EYA3: variants seen among roughly 807,000 people sequenced by gnomAD.
The protein encoded by EYA3 is protein phosphatase EYA3.
In EYA3, 39 loss-of-function variants were observed where a neutral mutation model predicts 80.0. The observed-to-expected ratio is 0.49, with a 90% CI of 0.38 to 0.64. The LOEUF (loss-of-function observed/expected upper bound fraction) is 0.64, where lower values mean the gene tolerates loss of function less well. EYA3 is among the 30% of genes least tolerant of loss of function. The probability of loss-of-function intolerance (pLI) is 0.00; values close to 1 mark genes in which losing one functional copy is unlikely to be tolerated. For synonymous variants in EYA3, 206 were observed against 232.8 expected, an observed-to-expected ratio of 0.88 and a Z score of 1.05; for missense variants, 523 against 676.1, an observed-to-expected ratio of 0.77 and a Z score of 2.51.
At position 28,013,836 on chromosome 1, in the gene EYA3, G is replaced by A. The variant is rs771258994; in HGVS notation, c.586-542C>T. 1.3e-5 allele frequency among the ~76,000 whole-genome samples: 2 copies of A among 152,200 alleles called. No homozygotes were observed. The highest frequency in any genetic ancestry group is 2.9e-5 in the Non-Finnish European group (2 of 68,032). On this transcript the variant is annotated intron_variant, in intron 8 of 17. Transcript: ENST00000373871. This position sits in a 1 kb window ranked among gnomAD's most constrained non-coding sequence, Gnocchi z 4.0. ...TCAGCACTTTGGAAGGCCAAGATGG[G>A]TGGATCACTTGAGGTCAGGAGTTCA...
Position 28,030,333 on chromosome 1 carries a change from C to T in EYA3, c.362-2407G>A, listed in dbSNP as rs187024314. Among the ~76,000 whole-genome samples the T allele has an allele frequency of 9.3e-3, 1,423 of 152,280 alleles. 10 individuals are homozygous for T. The highest frequency in any genetic ancestry group is 0.015 in the Non-Finnish European group (997 of 68,006). On this transcript the variant is annotated intron_variant, in intron 6 of 17. Coordinates refer to ENST00000373871, the MANE Select transcript of EYA3 (RefSeq NM_001990.4). ...TTTGAGACAAGGTCTTGCTCTGTTG[C>T]CCAGGCTGGAGGGCAGTGGTGCAAT... is the stretch of plus-strand genomic sequence containing the variant.
chr1:28,060,613 T>C (rs1644584998), intron 1 of EYA3, among the ~76,000 whole-genome samples: 1 of 152,242 alleles, frequency 6.6e-6, no homozygotes, highest in South Asian at 2.1e-4. Flanking sequence ...TTTCTACATC[T>C]ATTCTGTGAA....
intron 17 of EYA3, among the ~76,000 whole-genome samples, chr1:27,976,528 G>A (rs1638936327): frequency 6.6e-6 from 1 of 152,116 alleles, no homozygotes; most frequent in Non-Finnish European, 1.5e-5. Context: ...TTTGCTCAGT[G>A]GAAGGGGGAA....
rs763993390 is a variant in EYA3 at position 27,999,954 on chromosome 1, G to A, written c.1083+6C>T. On this transcript the variant is annotated splice_donor_region_variant and intron_variant, in intron 12 of 17. Coordinates refer to ENST00000373871, the MANE Select transcript of EYA3 (RefSeq NM_001990.4). ...GTGAAGCACAGAAACAATTTAAAAT[G>A]CTTACCTCTAAGTCATTGAAAAATA... 1 of 1,580,254 alleles carries A rather than the reference G, an allele frequency of 6.3e-7. No individual in the cohort carries two copies. The highest frequency in any genetic ancestry group is 1.4e-5 in the African/African-American group (1 of 73,710).
At chr1:28,034,570 A>G (rs1367387120) in intron 6 of EYA3, among the ~76,000 whole-genome samples, 1 of 152,192 alleles carries the variant, frequency 6.6e-6, no homozygotes, top group African/African-American at 2.4e-5. Context: ...ATTATTAAAC[A>G]TAATTCCCAA....
intron 1 of EYA3, among the ~76,000 whole-genome samples, chr1:28,061,311 G>A (rs1420093065): frequency 5.9e-5 from 9 of 152,056 alleles, no homozygotes; most frequent in Non-Finnish European, 1.0e-4. Context: ...CCAATAATTT[G>A]TACCCTGAAA....
At chr1:28,000,837 T>G (rs988101658) in intron 11 of EYA3, among the ~76,000 whole-genome samples, 2 of 152,090 alleles carry the variant, frequency 1.3e-5, no homozygotes, top group East Asian at 1.9e-4. Context: ...CCAAGGCAGG[T>G]GGACTGCTCG....
intron 1 of EYA3, among the ~76,000 whole-genome samples, chr1:28,069,991 T>G: frequency 6.6e-6 from 1 of 152,100 alleles, no homozygotes; most frequent in East Asian, 1.9e-4. Context: ...CAAGGGATGA[T>G]TGCCCCTAAA....
At chr1:28,079,109 T>C (rs1645329594) in intron 1 of EYA3, among the ~76,000 whole-genome samples, 1 of 152,152 alleles carries the variant, frequency 6.6e-6, no homozygotes, top group African/African-American at 2.4e-5. Context: ...TGAGTATGAG[T>C]TAACACAAGT....
At position 28,005,428 on chromosome 1, in the gene EYA3, A is replaced by G. The variant is rs910677494; in HGVS notation, c.910-1009T>C. 1.1e-4 allele frequency among the ~76,000 whole-genome samples: 16 copies of G among 152,190 alleles called. 1 individual carries two copies. Among genetic ancestry groups the G allele is most frequent in the Non-Finnish European group, 1.5e-5 (1 of 68,036 alleles). Reference sequence around the variant, plus strand: ...TGTGAAAATCAATATAAAAATACTCAACAGGCCAGGCACAGTGGCTCACAC... The same window carrying G: ...TGTGAAAATCAATATAAAAATACTCGACAGGCCAGGCACAGTGGCTCACAC... On this transcript the variant is annotated intron_variant, in intron 10 of 17. Coordinates refer to ENST00000373871, the MANE Select transcript of EYA3 (RefSeq NM_001990.4).
chr1:27,981,336 G>A (rs1377823456), intron 16 of EYA3, among the ~76,000 whole-genome samples: 1 of 151,104 alleles, frequency 6.6e-6, no homozygotes, highest in South Asian at 2.1e-4. Flanking sequence ...CTTACTGACA[G>A]AGGGAATGAG....
intron 13 of EYA3, among the ~76,000 whole-genome samples, chr1:27,995,506 GTGGGTA>G (rs1640389692): frequency 6.6e-6 from 1 of 151,676 alleles, no homozygotes; most frequent in Non-Finnish European, 1.5e-5. Flanking sequence ...AGGGGCTGAG[GTGGGTA>G]GATTGCTTAA....
intron 6 of EYA3, among the ~76,000 whole-genome samples, chr1:28,032,519 A>G (rs777259363): frequency 3.3e-5 from 5 of 152,198 alleles, no homozygotes; most frequent in African/African-American, 1.2e-4. Context: ...CTCTTAATGC[A>G]TATCACCCAC....
chr1:28,025,231 T>C (rs1439793920), intron 7 of EYA3, among the ~76,000 whole-genome samples: 1 of 152,186 alleles, frequency 6.6e-6, no homozygotes, highest in African/African-American at 2.4e-5. Flanking sequence ...ATGGCAAAAA[T>C]TGATAACTTA....
chr1:28,063,302 TATA>T (rs144575902), intron 1 of EYA3, among the ~76,000 whole-genome samples: 29,715 of 141,010 alleles, frequency 0.21, 3,147 homozygotes, highest in East Asian at 0.25. Context: ...TATATATATA[TATA>T]TTTTTTTTTA....
chr1:28,063,069 A>G (rs1369271803), intron 1 of EYA3, among the ~76,000 whole-genome samples: 1 of 151,604 alleles, frequency 6.6e-6, no homozygotes, highest in Non-Finnish European at 1.5e-5. Context: ...AACAAGGCAT[A>G]TATCACTCTT....
chr1:28,071,066 G>T (rs1031640243), intron 1 of EYA3, among the ~76,000 whole-genome samples: 10 of 152,144 alleles, frequency 6.6e-5, no homozygotes, highest in Non-Finnish European at 1.5e-5. Flanking sequence ...GGGATTACAG[G>T]CGCCTACCAC....
intron 5 of EYA3, among the ~76,000 whole-genome samples, chr1:28,036,094 C>T (rs1179626025): frequency 3.9e-5 from 6 of 152,190 alleles, no homozygotes; most frequent in Admixed American, 3.3e-4. Context: ...GGATTACAGG[C>T]GTGAGCCACT....
At chr1:28,049,991 C>A (rs1291347859) in intron 2 of EYA3, among the ~76,000 whole-genome samples, 3 of 151,702 alleles carry the variant, frequency 2.0e-5, no homozygotes, top group Non-Finnish European at 4.4e-5. Flanking sequence ...GGCTGAGTAA[C>A]CAAAACAGTC....
Sources: allele counts gnomAD v4.1 joint callset (sites outside exome capture counted in the v4.1 genomes callset), GRCh38; gene constraint gnomAD v4.1.1; non-coding constraint Gnocchi (gnomAD v3.1); transcripts MANE v1.5; gene names NCBI Gene and HGNC (gene_info 2026-07-23, HGNC 2026-07-21).